The following KSR2 variants were observed in gnomAD, a reference collection of about 807,000 sequenced individuals.
KSR2 encodes the protein kinase suppressor of ras 2.
KSR2 carries 25 observed loss-of-function variants against 107.8 expected under a neutral mutation model. The observed-to-expected ratio is 0.23, with a 90% CI of 0.17 to 0.32. The LOEUF (loss-of-function observed/expected upper bound fraction) is 0.32, where lower values mean the gene tolerates loss of function less well. KSR2 is among the 10% of genes least tolerant of loss of function. The pLI is 1.00. For synonymous variants in KSR2, 480 were observed against 507.0 expected (o/e 0.95, Z 0.71); for missense variants, 887 against 1,268.9 (o/e 0.70, Z 4.57).
chr12:117,848,309 G>A (rs940586575), intron 3 of KSR2, among the ~76,000 whole-genome samples: 3 of 152,198 alleles, frequency 2.0e-5, no homozygotes, highest in Admixed American at 1.3e-4. Context: ...GGAAGGTCTA[G>A]GAAGGGACCC....
intron 4 of KSR2, among the ~76,000 whole-genome samples, chr12:117,677,997 T>C (rs777465309): frequency 6.6e-6 from 1 of 152,208 alleles, no homozygotes; most frequent in South Asian, 2.1e-4. Flanking sequence ...GGCAGTGGCG[T>C]GATCTTGGCT....
intron 1 of KSR2, among the ~76,000 whole-genome samples, chr12:117,884,740 T>G (rs1894123035): frequency 6.6e-6 from 1 of 151,974 alleles, no homozygotes; most frequent in African/African-American, 2.4e-5. Context: ...GCATAGCGAG[T>G]GGAAAGAAGT....
At chr12:117,967,298 A>T (rs780122139) in intron 1 of KSR2, among the ~76,000 whole-genome samples, 6 of 152,096 alleles carry the variant, frequency 3.9e-5, no homozygotes, top group Non-Finnish European at 8.8e-5. Context: ...CAAGAAGCCA[A>T]AGATAACTCC....
chr12:117,838,201 A>T (rs1429671204), intron 3 of KSR2, among the ~76,000 whole-genome samples: 2 of 152,208 alleles, frequency 1.3e-5, no homozygotes, highest in Non-Finnish European at 2.9e-5. Context: ...GGAGTCTCGC[A>T]CTGTCACCCG....
chr12:117,578,821 T>G (rs1463208816), intron 7 of KSR2, among the ~76,000 whole-genome samples: 2 of 152,080 alleles, frequency 1.3e-5, no homozygotes. Flanking sequence ...TCAACTCGAG[T>G]AAGAATTTGC....
chr12:117,624,359 T>C (rs1882355091), intron 5 of KSR2, among the ~76,000 whole-genome samples: 1 of 152,238 alleles, frequency 6.6e-6, no homozygotes, highest in Non-Finnish European at 1.5e-5. Flanking sequence ...TGGTTTTAGG[T>C]CTAACATTTA....
chr12:117,542,988 T>C (rs1434511774), intron 9 of KSR2, among the ~76,000 whole-genome samples: 2 of 152,236 alleles, frequency 1.3e-5, no homozygotes, highest in Admixed American at 6.5e-5. Context: ...TAGTACTCTA[T>C]GATATGGATG....
chr12:117,623,919 A>G (rs1882327101), intron 5 of KSR2, among the ~76,000 whole-genome samples: 2 of 152,164 alleles, frequency 1.3e-5, no homozygotes, highest in South Asian at 4.1e-4. Context: ...AATGACTGCC[A>G]TTCTAACTGG....
intron 13 of KSR2, among the ~76,000 whole-genome samples, chr12:117,526,364 C>T (rs988764655): frequency 6.6e-6 from 1 of 152,138 alleles, no homozygotes; most frequent in African/African-American, 2.4e-5. Flanking sequence ...AGCGGGGATT[C>T]CCAGAGACCC....
At chr12:117,595,214 T>C (rs2136278119) in intron 5 of KSR2, among the ~76,000 whole-genome samples, 1 of 152,356 alleles carries the variant, frequency 6.6e-6, no homozygotes, top group Non-Finnish European at 1.5e-5. Context: ...CAGGGCCTTT[T>C]CACTATTGGG....
chr12:117,695,702 T>A (rs1197298930), intron 4 of KSR2, among the ~76,000 whole-genome samples: 1 of 144,350 alleles, frequency 6.9e-6, no homozygotes, highest in Non-Finnish European at 1.5e-5. Flanking sequence ...CAAAGTGAGA[T>A]CCTGTCTCAA....
intron 5 of KSR2, among the ~76,000 whole-genome samples, chr12:117,602,302 G>A (rs146678721): frequency 6.6e-6 from 1 of 152,096 alleles, no homozygotes; most frequent in Non-Finnish European, 1.5e-5. Flanking sequence ...CGTTCACAGT[G>A]GTGCACAAAC....
intron 5 of KSR2, among the ~76,000 whole-genome samples, chr12:117,600,444 C>A (rs1423116780): frequency 6.6e-6 from 1 of 152,176 alleles, no homozygotes; most frequent in Non-Finnish European, 1.5e-5. Context: ...GCTCTGAATG[C>A]GTCCCTGGAC....
chr12:117,680,590 C>T (rs772419167), intron 4 of KSR2, among the ~76,000 whole-genome samples: 13 of 152,114 alleles, frequency 8.5e-5, no homozygotes, highest in Non-Finnish European at 1.2e-4. Flanking sequence ...TCACACCCCT[C>T]CCAACAATAG....
chr12:117,786,217 A>G (rs1890069038), intron 3 of KSR2, among the ~76,000 whole-genome samples: 1 of 152,236 alleles, frequency 6.6e-6, no homozygotes, highest in Non-Finnish European at 1.5e-5. Flanking sequence ...AACATTTAAG[A>G]AAGAAGTATA....
Position 117,465,931 on chromosome 12 carries a change from G to A in KSR2, c.*1268C>T, listed in dbSNP as rs1440235225. The stretch of plus-strand genomic sequence containing the variant: ...CTTCCTACAGATACAGAACACCAGG[G>A]GCTTCCCCAACATGGTCAGGAAGAG... On this transcript the variant is annotated 3_prime_UTR_variant, in exon 20 of 20. Coordinates refer to ENST00000339824, the MANE Select transcript of KSR2 (RefSeq NM_173598.6). The A allele has an allele frequency of 6.6e-6, 1 of 152,200 alleles. No homozygotes were observed. Among genetic ancestry groups the A allele is most frequent in the African/African-American group, 2.4e-5 (1 of 41,412 alleles). 9.4% of individuals were successfully genotyped at this position (152,200 alleles called of 1,614,324 possible).
intron 3 of KSR2, among the ~76,000 whole-genome samples, chr12:117,831,591 T>C (rs1471906342): frequency 6.6e-6 from 1 of 152,236 alleles, no homozygotes; most frequent in Non-Finnish European, 1.5e-5. Context: ...AGACACCTAC[T>C]AGTAACAATA....
chr12:117,618,054 A>AAATTTTTATTGAAATT (rs1881979280), intron 5 of KSR2, among the ~76,000 whole-genome samples: 1 of 152,194 alleles, frequency 6.6e-6, no homozygotes, highest in Non-Finnish European at 1.5e-5. Context: ...ATTTCTGGTA[A>AAATTTTTATTGAAATT]CTTTTTATTG....
At chr12:117,908,581 T>G (rs1410310588) in intron 1 of KSR2, among the ~76,000 whole-genome samples, 20 of 152,174 alleles carry the variant, frequency 1.3e-4, no homozygotes, top group Non-Finnish European at 5.9e-5. Context: ...CCACAGTGAT[T>G]CTAAGGCCAA....
Sources: gnomAD v4.1 joint callset for allele counts (sites outside exome capture counted in the v4.1 genomes callset) on GRCh38, gnomAD v4.1.1 for gene constraint, MANE v1.5 for transcripts, NCBI Gene and HGNC (gene_info 2026-07-23, HGNC 2026-07-21) for gene names.